Variants in NFIA observed in about 807,000 individuals in gnomAD.
NFIA encodes nuclear factor 1 A-type.
Under a neutral mutation model 62.8 loss-of-function variants are expected in NFIA, and 8 were observed. The observed-to-expected ratio is 0.13, with a 90% confidence interval of 0.07 to 0.23. The LOEUF (loss-of-function observed/expected upper bound fraction) is 0.23, where lower values mean the gene tolerates loss of function less well. Ranked by LOEUF, NFIA falls within the 10% of genes least tolerant of loss-of-function variation. NFIA has a pLI of 1.00. For missense variants in NFIA, 410 were observed against 642.1 expected (o/e 0.64, Z 3.91); for synonymous variants, 235 against 238.1 (o/e 0.99, Z 0.12).
intron 9 of NFIA, among the ~76,000 whole-genome samples, chr1:61,422,034 G>A (rs1349880194): frequency 2.0e-5 from 3 of 152,108 alleles, no homozygotes; most frequent in African/African-American, 7.2e-5. Flanking sequence ...GGCCAAAGTG[G>A]GAGGATCACT....
At chr1:61,221,399 G>A (rs1654009209) in intron 2 of NFIA, among the ~76,000 whole-genome samples, 2 of 151,884 alleles carry the variant, frequency 1.3e-5, no homozygotes, top group Admixed American at 1.3e-4. Context: ...TAGTAGATGT[G>A]GAAGGAAATC....
At chr1:61,249,514 A>T (rs1419120400) in intron 2 of NFIA, among the ~76,000 whole-genome samples, 2 of 152,198 alleles carry the variant, frequency 1.3e-5, no homozygotes, top group African/African-American at 4.8e-5. Flanking sequence ...CACGCCTATA[A>T]TCCAAGCACT....
At chr1:61,173,307 C>G (rs575437715) in intron 2 of NFIA, among the ~76,000 whole-genome samples, 92 of 152,310 alleles carry the variant, frequency 6.0e-4, no homozygotes, top group African/African-American at 2.1e-3. Flanking sequence ...GTCTAGGGAC[C>G]TGGCCTCCTG....
At chr1:61,433,899 A>G (rs1168011053) in intron 10 of NFIA, among the ~76,000 whole-genome samples, 4 of 152,182 alleles carry the variant, frequency 2.6e-5, no homozygotes, top group Non-Finnish European at 5.9e-5. Flanking sequence ...ACTTGTGTAT[A>G]AGCCATTCAG....
intron 6 of NFIA, among the ~76,000 whole-genome samples, chr1:61,373,934 G>C (rs1045322661): frequency 6.6e-6 from 1 of 152,152 alleles, no homozygotes; most frequent in African/African-American, 2.4e-5. Flanking sequence ...AGAATTTTCT[G>C]CAGTGATAGA....
At chr1:61,277,788 G>T (rs1657900920) in intron 3 of NFIA, among the ~76,000 whole-genome samples, 1 of 152,132 alleles carries the variant, frequency 6.6e-6, no homozygotes, top group African/African-American at 2.4e-5. Context: ...AGGACCCCCG[G>T]CCCTAAACAC....
At chr1:61,110,304 G>A (rs1237103910) in intron 2 of NFIA, among the ~76,000 whole-genome samples, 1 of 151,252 alleles carries the variant, frequency 6.6e-6, no homozygotes, top group East Asian at 1.9e-4. Flanking sequence ...AAGTCAAAGA[G>A]TAACCCAGTG....
chr1:61,176,085 G>T (rs752025190), intron 2 of NFIA, among the ~76,000 whole-genome samples: 1 of 152,212 alleles, frequency 6.6e-6, no homozygotes, highest in African/African-American at 2.4e-5. Flanking sequence ...AAGCAGAGAG[G>T]TTGGGGAGAA....
intron 2 of NFIA, among the ~76,000 whole-genome samples, chr1:61,226,598 C>T (rs997554939): frequency 6.6e-6 from 1 of 152,144 alleles, no homozygotes; most frequent in African/African-American, 2.4e-5. Context: ...AAAGTCTCCT[C>T]CCACAAAGAA....
At chr1:61,141,048 A>G (rs1173080736) in intron 2 of NFIA, among the ~76,000 whole-genome samples, 6 of 148,120 alleles carry the variant, frequency 4.1e-5, no homozygotes, top group African/African-American at 5.0e-5. Context: ...CTCGATGCCA[A>G]TGAATTGGGA....
At chr1:61,452,624 A>G (rs1387529055) in intron 10 of NFIA, among the ~76,000 whole-genome samples, 1 of 152,196 alleles carries the variant, frequency 6.6e-6, no homozygotes, top group South Asian at 2.1e-4. Flanking sequence ...TCAGAGCACA[A>G]TAGCCTTCTG....
Position 61,082,615 on chromosome 1 carries a change from T to A in NFIA, c.-177T>A. Reference sequence around the variant, plus strand: ...ATAGCGCTGGCTGGCTGGCTGCAGTTGAGCCGACTTGGAAATGTGAACGCA... The same window carrying A: ...ATAGCGCTGGCTGGCTGGCTGCAGTAGAGCCGACTTGGAAATGTGAACGCA... On this transcript the variant is annotated 5_prime_UTR_variant, in exon 1 of 11. Transcript: ENST00000403491. 7.3e-6 allele frequency: 11 copies of A among 1,498,474 alleles called. No homozygotes were observed. Among genetic ancestry groups the A allele is most frequent in the Non-Finnish European group, 9.8e-6 (11 of 1,118,986 alleles). The allele number at this position is 1,498,474 out of a possible 1,614,324, so 92.8% of individuals were successfully genotyped here.
At chr1:61,147,309 C>T (rs1648082967) in intron 2 of NFIA, among the ~76,000 whole-genome samples, 1 of 152,182 alleles carries the variant, frequency 6.6e-6, no homozygotes, top group Admixed American at 6.5e-5. Context: ...CACCACCATG[C>T]CTGGCTAATT....
chr1:61,266,587 G>A (rs577591127), intron 2 of NFIA, among the ~76,000 whole-genome samples: 7 of 152,028 alleles, frequency 4.6e-5, no homozygotes, highest in East Asian at 1.9e-4. Context: ...TAGTAGAGAC[G>A]GGGTTTCTCC....
chr1:61,434,239 G>A (rs1317112460), intron 10 of NFIA, among the ~76,000 whole-genome samples: 1 of 152,162 alleles, frequency 6.6e-6, no homozygotes, highest in East Asian at 1.9e-4. Context: ...CTAAATCGAG[G>A]TGGTGCCTGG....
At position 61,458,757 on chromosome 1, in the gene NFIA, A is replaced by G. The variant is rs749993080; in HGVS notation, c.*3437A>G. 7.2e-6 allele frequency: 1 copy of G among 139,004 alleles called. No individual in the cohort carries two copies. The highest frequency in any genetic ancestry group is 1.5e-5 in the Non-Finnish European group (1 of 66,148). The allele number at this position is 139,004 out of a possible 1,614,324, so 8.6% of individuals were successfully genotyped here. A position where few individuals can be genotyped will look rare whatever the true frequency, so the allele number is the denominator to read the frequency against. On this transcript the variant is annotated 3_prime_UTR_variant, in exon 11 of 11. Coordinates refer to ENST00000403491, the MANE Select transcript of NFIA (RefSeq NM_001134673.4). Reference sequence around the variant, plus strand: ...TCTCTCAATGGTATAGCATATTCCTATGCTTGAGAAGTATAGGTCTACTGA... The same window carrying G: ...TCTCTCAATGGTATAGCATATTCCTGTGCTTGAGAAGTATAGGTCTACTGA...
intron 3 of NFIA, among the ~76,000 whole-genome samples, chr1:61,306,390 C>T (rs1430799279): frequency 7.1e-6 from 1 of 140,424 alleles, no homozygotes; most frequent in East Asian, 2.5e-4. Context: ...ATTCTTGTGC[C>T]TCAGCCTCCC....
intron 2 of NFIA, among the ~76,000 whole-genome samples, chr1:61,255,678 G>A (rs1011472420): frequency 9.2e-5 from 14 of 152,176 alleles, no homozygotes; most frequent in African/African-American, 3.4e-4. Flanking sequence ...AATAGAACTA[G>A]GGTTTGGTTT....
chr1:61,347,690 A>C (rs1212752727), intron 4 of NFIA, among the ~76,000 whole-genome samples: 3 of 152,124 alleles, frequency 2.0e-5, no homozygotes, highest in African/African-American at 7.2e-5. Flanking sequence ...TTTCCTATGA[A>C]ATTTAGCATG....
Sources: gnomAD v4.1 joint callset for allele counts (sites outside exome capture counted in the v4.1 genomes callset) on GRCh38, gnomAD v4.1.1 for gene constraint, MANE v1.5 for transcripts, NCBI Gene and HGNC (gene_info 2026-07-23, HGNC 2026-07-21) for gene names.